The following SLIT3 variants were observed in gnomAD, a reference collection of about 807,000 sequenced individuals.
SLIT3 encodes slit homolog 3 protein.
SLIT3 carries 68 observed loss-of-function variants against 184.0 expected under a neutral mutation model. The observed-to-expected ratio is 0.37, with a 90% CI of 0.30 to 0.45. The LOEUF is 0.45. Ranked by LOEUF, SLIT3 falls within the 20% of genes least tolerant of loss-of-function variation. SLIT3 has a pLI of 1.00. For synonymous variants in SLIT3, 831 were observed against 828.6 expected (o/e 1.00, Z -0.05); for missense variants, 1,707 against 2,026.0 (o/e 0.84, Z 3.02).
At chr5:169,146,417 GA>G (rs957100901) in intron 4 of SLIT3, among the ~76,000 whole-genome samples, 4 of 152,230 alleles carry the variant, frequency 2.6e-5, no homozygotes, top group African/African-American at 9.7e-5. Flanking sequence ...GACGGAGCCT[GA>G]TGCCTCCCGG....
intron 4 of SLIT3, among the ~76,000 whole-genome samples, chr5:169,034,375 G>T (rs1324368626): frequency 6.6e-6 from 1 of 152,008 alleles, no homozygotes; most frequent in African/African-American, 2.4e-5. Context: ...GGAGTTTTAT[G>T]GTTTCAGATC....
At chr5:168,877,618 C>A (rs933851555) in intron 5 of SLIT3, among the ~76,000 whole-genome samples, 1 of 152,136 alleles carries the variant, frequency 6.6e-6, no homozygotes, top group Non-Finnish European at 1.5e-5. Flanking sequence ...CGGAGACAGC[C>A]CTCATTAATC....
intron 4 of SLIT3, among the ~76,000 whole-genome samples, chr5:168,923,505 T>C (rs1451442500): frequency 6.7e-6 from 1 of 149,358 alleles, no homozygotes; most frequent in African/African-American, 2.5e-5. Context: ...GGTAACCCCC[T>C]TCCTAAATAT....
chr5:168,685,930 G>T lies in SLIT3; in HGVS notation c.3315-3C>A. The stretch of plus-strand genomic sequence containing the variant: ...GGGGGTGTTCACAGAAGGGTCCACT[G>T]GAAGGCAGGAGAGAATGGGGAGGGA... On this transcript the variant is annotated splice_polypyrimidine_tract_variant and splice_region_variant and intron_variant, in intron 30 of 35. Coordinates refer to ENST00000519560, the MANE Select transcript of SLIT3 (RefSeq NM_003062.4). 1 of 1,605,100 alleles carries T rather than the reference G, an allele frequency of 6.2e-7. No homozygotes were observed. The highest frequency in any genetic ancestry group is 1.3e-5 in the African/African-American group (1 of 74,856).
chr5:168,739,174 C>T (rs569061151), intron 20 of SLIT3, among the ~76,000 whole-genome samples: 8 of 152,022 alleles, frequency 5.3e-5, no homozygotes, highest in East Asian at 3.9e-4. Flanking sequence ...CTCAGTGAAC[C>T]GATATTTTTC....
intron 4 of SLIT3, among the ~76,000 whole-genome samples, chr5:169,008,036 A>G (rs756455172): frequency 6.6e-6 from 1 of 152,138 alleles, no homozygotes; most frequent in Non-Finnish European, 1.5e-5. Context: ...TACCAGGCAG[A>G]GGGCCATTGT....
chr5:168,814,365 C>T (rs1320369789), intron 8 of SLIT3, among the ~76,000 whole-genome samples: 1 of 151,962 alleles, frequency 6.6e-6, no homozygotes, highest in South Asian at 2.1e-4. Flanking sequence ...CATTGCACTC[C>T]AGCCTGGGTA....
intron 4 of SLIT3, among the ~76,000 whole-genome samples, chr5:169,190,390 C>A (rs1182204903): frequency 1.3e-5 from 2 of 152,188 alleles, no homozygotes; most frequent in Admixed American, 1.3e-4. Flanking sequence ...TCCAGCTGTT[C>A]CTGAAGCCAT....
intron 4 of SLIT3, among the ~76,000 whole-genome samples, chr5:169,028,468 G>A (rs920262333): frequency 6.6e-6 from 1 of 152,180 alleles, no homozygotes; most frequent in Non-Finnish European, 1.5e-5. Flanking sequence ...TAGAAACTGG[G>A]CATTGTGACC....
chr5:169,067,503 G>A (rs1029816429), intron 4 of SLIT3, among the ~76,000 whole-genome samples: 7 of 152,108 alleles, frequency 4.6e-5, no homozygotes, highest in Admixed American at 1.3e-4. Context: ...GTGCCTCCAC[G>A]GCAAAAGGCT....
intron 6 of SLIT3, among the ~76,000 whole-genome samples, chr5:168,827,920 C>A (rs1450836626): frequency 6.6e-6 from 1 of 152,176 alleles, no homozygotes; most frequent in Non-Finnish European, 1.5e-5. Flanking sequence ...GGGTAGTTGA[C>A]ACACAGGCCA....
chr5:168,830,965 G>C (rs1176855114), intron 6 of SLIT3, among the ~76,000 whole-genome samples: 1 of 152,168 alleles, frequency 6.6e-6, no homozygotes, highest in South Asian at 2.1e-4. Context: ...CCTCACTGCT[G>C]AGGCTGCTCC....
chr5:169,098,063 A>G (rs1353025195), intron 4 of SLIT3, among the ~76,000 whole-genome samples: 3 of 152,124 alleles, frequency 2.0e-5, no homozygotes, highest in Non-Finnish European at 4.4e-5. Flanking sequence ...GAGCAAAGAG[A>G]AACTCTGACC....
intron 3 of SLIT3, among the ~76,000 whole-genome samples, chr5:169,239,671 T>C (rs2113569500): frequency 6.6e-6 from 1 of 152,150 alleles, no homozygotes; most frequent in Non-Finnish European, 1.5e-5. Context: ...TTTTGTGTTT[T>C]GATATGTCTT....
intron 25 of SLIT3, among the ~76,000 whole-genome samples, chr5:168,710,673 G>A: frequency 6.6e-6 from 1 of 152,212 alleles, no homozygotes; most frequent in South Asian, 2.1e-4. Context: ...GTGAGGAGAT[G>A]TGTGGCAATG....
intron 4 of SLIT3, among the ~76,000 whole-genome samples, chr5:169,129,322 G>T (rs1467586680): frequency 6.6e-6 from 1 of 152,068 alleles, no homozygotes; most frequent in South Asian, 2.1e-4. Context: ...GAGGCCAAGT[G>T]GGGAGGATCA....
At chr5:168,760,776 A>C in intron 16 of SLIT3, 86 bp downstream of exon 16, 1 of 962,090 alleles carries the variant, frequency 1.0e-6, no homozygotes, top group Non-Finnish European at 1.7e-6. Context: ...GCTGGGGGAG[A>C]GGCCGGTCCC....
At chr5:168,807,242 T>A (rs1276080050) in intron 8 of SLIT3, among the ~76,000 whole-genome samples, 1 of 152,160 alleles carries the variant, frequency 6.6e-6, no homozygotes, top group Non-Finnish European at 1.5e-5. Context: ...TCAAGCAAAG[T>A]GACAGAAAGC....
At position 169,300,364 on chromosome 5, in the gene SLIT3, G is replaced by A. The variant is rs1767644142; in HGVS notation, c.197+149C>T. 10 of 1,088,874 alleles carry A rather than the reference G, an allele frequency of 9.2e-6. No homozygotes were observed. Among genetic ancestry groups the A allele is most frequent in the Non-Finnish European group, 1.2e-5 (10 of 827,612 alleles). 67.5% of individuals were successfully genotyped at this position (1,088,874 alleles called of 1,614,324 possible). ...ATCTGACCAAGCCTACAGACCCCCA[G>A]CTCGGAGAGTGAGGGATCGTATCCA... On this transcript the variant is annotated intron_variant, in intron 1 of 35. Transcript: ENST00000519560. This position sits in a 1 kb window ranked among gnomAD's most constrained non-coding sequence, Gnocchi z 4.1.
Sources: gnomAD v4.1 joint callset for allele counts (sites outside exome capture counted in the v4.1 genomes callset) on GRCh38, gnomAD v4.1.1 for gene constraint, Gnocchi (gnomAD v3.1) non-coding constraint, MANE v1.5 for transcripts, NCBI Gene and HGNC (gene_info 2026-07-23, HGNC 2026-07-21) for gene names.